Variants in VAV3 observed in about 807,000 individuals in gnomAD.
The protein encoded by VAV3 is vav guanine nucleotide exchange factor 3.
A neutral mutation model predicts 131.2 loss-of-function variants in VAV3; 94 were observed. That is an observed-to-expected ratio of 0.72 (90% CI 0.61 to 0.85). The LOEUF (loss-of-function observed/expected upper bound fraction) is 0.85, where lower values mean the gene tolerates loss of function less well. Among genes scored for constraint, VAV3 ranks in the 40% least tolerant of loss-of-function variants. The pLI is 0.00. For missense variants in VAV3, 939 were observed against 1,002.7 expected, an observed-to-expected ratio of 0.94 and a Z score of 0.86; for synonymous variants, 349 against 342.0, an observed-to-expected ratio of 1.02 and a Z score of -0.22.
At chr1:107,602,339 CCTTT>C (rs1473940852) in intron 24 of VAV3, 54 bp downstream of exon 24, 2 of 1,241,604 alleles carry the variant, frequency 1.6e-6, no homozygotes, top group East Asian at 2.8e-5. Flanking sequence ...ATTAAAATGA[CCTTT>C]CTAACAAAAG....
intron 3 of VAV3, among the ~76,000 whole-genome samples, chr1:107,778,585 A>T (rs1384594155): frequency 6.6e-6 from 1 of 152,172 alleles, no homozygotes; most frequent in African/African-American, 2.4e-5. Flanking sequence ...TCCTGAGCTC[A>T]CTGTGCTTTG....
chr1:107,939,333 T>C (rs1673873065), intron 1 of VAV3, among the ~76,000 whole-genome samples: 1 of 152,232 alleles, frequency 6.6e-6, no homozygotes, highest in Non-Finnish European at 1.5e-5. Context: ...AGGCTTACTA[T>C]GGTTCAACTT....
At chr1:107,938,146 T>C (rs1478479767) in intron 1 of VAV3, among the ~76,000 whole-genome samples, 1 of 152,020 alleles carries the variant, frequency 6.6e-6, no homozygotes, top group Non-Finnish European at 1.5e-5. Flanking sequence ...ACCCTTCATA[T>C]ATAAACAGGT....
intron 25 of VAV3, among the ~76,000 whole-genome samples, chr1:107,581,116 T>A (rs1048663391): frequency 6.6e-6 from 1 of 152,264 alleles, no homozygotes; most frequent in Non-Finnish European, 1.5e-5. Flanking sequence ...AACTCTTTTA[T>A]GCATATTAGC....
intron 1 of VAV3, among the ~76,000 whole-genome samples, chr1:107,884,139 TAAA>T (rs532625931): frequency 7.2e-6 from 1 of 138,562 alleles, no homozygotes. Flanking sequence ...GGGCCCAGTT[TAAA>T]AAAAAAAAAA....
intron 19 of VAV3, among the ~76,000 whole-genome samples, chr1:107,675,138 T>A (rs554739093): frequency 9.2e-5 from 14 of 152,320 alleles, no homozygotes; most frequent in South Asian, 2.1e-4. Context: ...CCTAGATTTC[T>A]GATTCACAGA....
intron 1 of VAV3, among the ~76,000 whole-genome samples, chr1:107,878,423 T>G (rs1179010380): frequency 6.6e-6 from 1 of 152,226 alleles, no homozygotes; most frequent in Non-Finnish European, 1.5e-5. Flanking sequence ...TCAGTATCTT[T>G]TAATCTAAAA....
At chr1:107,821,562 G>A (rs894647461) in intron 2 of VAV3, among the ~76,000 whole-genome samples, 2 of 152,222 alleles carry the variant, frequency 1.3e-5, no homozygotes, top group Non-Finnish European at 2.9e-5. Context: ...TGACTCAGAG[G>A]TGGGAGAAAG....
intron 2 of VAV3, among the ~76,000 whole-genome samples, chr1:107,795,223 C>A (rs1391613548): frequency 6.6e-6 from 1 of 152,178 alleles, no homozygotes; most frequent in African/African-American, 2.4e-5. Flanking sequence ...GAACAGAAAT[C>A]CTGAATGAAG....
intron 2 of VAV3, among the ~76,000 whole-genome samples, chr1:107,842,272 T>C (rs1557876968): frequency 6.6e-6 from 1 of 152,188 alleles, no homozygotes; most frequent in Non-Finnish European, 1.5e-5. Flanking sequence ...CATAGCTGAA[T>C]GGCAAGGGAA....
intron 2 of VAV3, among the ~76,000 whole-genome samples, chr1:107,825,427 G>C (rs988153775): frequency 3.3e-5 from 5 of 151,664 alleles, no homozygotes; most frequent in East Asian, 1.9e-4. Flanking sequence ...CCAAATATTT[G>C]GATTAATGTC....
intron 1 of VAV3, among the ~76,000 whole-genome samples, chr1:107,946,478 C>T (rs929432377): frequency 6.6e-6 from 1 of 152,164 alleles, no homozygotes; most frequent in African/African-American, 2.4e-5. Context: ...AGAACTGTTT[C>T]TCTGCACACT....
intron 2 of VAV3, among the ~76,000 whole-genome samples, chr1:107,791,643 G>C (rs1447994492): frequency 6.6e-6 from 1 of 152,108 alleles, no homozygotes; most frequent in Non-Finnish European, 1.5e-5. Flanking sequence ...TCTGTGATGG[G>C]GCCTTAGCAT....
At chr1:107,678,890 G>A (rs1022672385) in intron 19 of VAV3, among the ~76,000 whole-genome samples, 4 of 151,896 alleles carry the variant, frequency 2.6e-5, no homozygotes, top group Admixed American at 1.3e-4. Flanking sequence ...ACTGCTATAC[G>A]TAATAAATCT....
chr1:107,761,324 C>T (rs1228753607), intron 9 of VAV3, among the ~76,000 whole-genome samples: 3 of 145,030 alleles, frequency 2.1e-5, no homozygotes, highest in African/African-American at 2.6e-5. Context: ...ACCCGGGAGG[C>T]GGAGCTTGCA....
At position 107,671,655 on chromosome 1, in the gene VAV3, A is replaced by G. The variant is rs191539689; in HGVS notation, c.1777+11833T>C. On this transcript the variant is annotated intron_variant, in intron 19 of 26. Transcript: ENST00000370056. ...GTAAAATAAAGGGAGACACATATGT[A>G]CAAAAGGAAATAAGAACAACGGGAG... Among the ~76,000 whole-genome samples the G allele has an allele frequency of 1.7e-3, 264 of 152,320 alleles. 2 individuals carry two copies. Among genetic ancestry groups the G allele is most frequent in the Non-Finnish European group, 4.3e-4 (29 of 68,032 alleles).
At chr1:107,814,132 T>C (rs555542488) in intron 2 of VAV3, among the ~76,000 whole-genome samples, 179 of 152,232 alleles carry the variant, frequency 1.2e-3, no homozygotes, top group African/African-American at 4.1e-3. Flanking sequence ...AGGTATTCCT[T>C]TGATATACTT....
chr1:107,779,036 CCTAAAAG>C (rs1665532207), intron 3 of VAV3, among the ~76,000 whole-genome samples: 1 of 151,968 alleles, frequency 6.6e-6, no homozygotes. Flanking sequence ...TTCTTAAACT[CCTAAAAG>C]CTATGAGTTA....
intron 2 of VAV3, among the ~76,000 whole-genome samples, chr1:107,821,801 C>T (rs1020629579): frequency 6.6e-6 from 1 of 152,176 alleles, no homozygotes; most frequent in Non-Finnish European, 1.5e-5. Flanking sequence ...AGTAATGTAA[C>T]CGAAATGCAG....
Sources: allele counts gnomAD v4.1 joint callset (sites outside exome capture counted in the v4.1 genomes callset), GRCh38; gene constraint gnomAD v4.1.1; transcripts MANE v1.5; gene names NCBI Gene and HGNC (gene_info 2026-07-23, HGNC 2026-07-21).